Variants in TSHZ3 observed in about 807,000 individuals in gnomAD.
TSHZ3 encodes teashirt zinc finger homeobox 3.
Under a neutral mutation model 64.5 loss-of-function variants are expected in TSHZ3, and 10 were observed. The ratio of observed to expected loss-of-function variants is 0.16; its 90% CI spans 0.10 to 0.26. The LOEUF (loss-of-function observed/expected upper bound fraction) is 0.26. TSHZ3 is among the 10% of genes least tolerant of loss of function. The pLI, the probability that TSHZ3 is intolerant of heterozygous loss-of-function variation, is 1.00. For synonymous variants in TSHZ3, 608 were observed against 593.1 expected (o/e 1.03, Z -0.36); for missense variants, 1,242 against 1,421.7 (o/e 0.87, Z 2.03).
Position 31,275,886 on chromosome 19 carries a change from T to C in TSHZ3, c.*661A>G, listed in dbSNP as rs1976221287. The C allele has an allele frequency of 6.6e-6, 1 of 152,514 alleles. No individual in the cohort carries two copies. Among genetic ancestry groups the C allele is most frequent in the Non-Finnish European group, 1.5e-5 (1 of 68,030 alleles). The allele number at this position is 152,514 out of a possible 1,614,324, so 9.4% of individuals were successfully genotyped here. A position where few individuals can be genotyped will look rare whatever the true frequency, so the allele number is the denominator to read the frequency against. On this transcript the variant is annotated 3_prime_UTR_variant, in exon 2 of 2. Transcript: ENST00000240587. ...GCAGGTGCATAAAACACTGTTGCTATAAATGCAAGAAAAAGGTCATTTAAC... is the reference window on the plus strand; with the variant it reads ...GCAGGTGCATAAAACACTGTTGCTACAAATGCAAGAAAAAGGTCATTTAAC...
In TSHZ3 at chr19:31,191,767, G is replaced by C. The variant is rs543644978; in HGVS notation, n.809+13189C>G. Among the ~76,000 whole-genome samples the C allele has an allele frequency of 2.0e-5, 3 of 152,224 alleles. No individual in the cohort carries two copies. The East Asian group carries it at 5.8e-4, about 29-fold the overall frequency. On this transcript the variant is annotated intron_variant and non_coding_transcript_variant, in intron 5 of 6. Coordinates refer to the TSHZ3 transcript ENST00000651361. Reference sequence around the variant, plus strand: ...CCAGCTATTTGGGAGGCTGAGGTGGGAGGATTGCTTGAGCCCAGGAATCTG... The same window carrying C: ...CCAGCTATTTGGGAGGCTGAGGTGGCAGGATTGCTTGAGCCCAGGAATCTG...
At chr19:31,207,044 G>A (rs763116771) in intron 4 of TSHZ3, among the ~76,000 whole-genome samples, 4 of 152,132 alleles carry the variant, frequency 2.6e-5, no homozygotes, top group African/African-American at 7.2e-5. Flanking sequence ...AAGACTAGGC[G>A]GGAAGAGTGG....
intron 5 of TSHZ3, among the ~76,000 whole-genome samples, chr19:31,182,007 C>T (rs1484586275): frequency 2.0e-5 from 3 of 152,172 alleles, no homozygotes; most frequent in Non-Finnish European, 4.4e-5. Flanking sequence ...CAGGTGAATG[C>T]AGTGTCTGTC....
intron 1 of TSHZ3, among the ~76,000 whole-genome samples, chr19:31,244,328 A>T (rs1341969315): frequency 6.6e-6 from 1 of 152,122 alleles, no homozygotes; most frequent in Non-Finnish European, 1.5e-5. Context: ...TGCTCTGGCC[A>T]TGTAAGACAT....
chr19:31,188,169 T>TTTTA (rs1488035876), intron 5 of TSHZ3, among the ~76,000 whole-genome samples: 1 of 151,626 alleles, frequency 6.6e-6, no homozygotes, highest in Non-Finnish European at 1.5e-5. Context: ...TATTTTAAAT[T>TTTTA]TTTATTTTCT....
At chr19:31,187,214 A>G (rs1350154510) in intron 5 of TSHZ3, among the ~76,000 whole-genome samples, 1 of 152,172 alleles carries the variant, frequency 6.6e-6, no homozygotes, top group Non-Finnish European at 1.5e-5. Flanking sequence ...TCACCATATT[A>G]TAGTTTTTTT....
Position 31,328,435 on chromosome 19 carries a change from G to T in TSHZ3, c.40+20745C>A, listed in dbSNP as rs570845247. Among the ~76,000 whole-genome samples the T allele has an allele frequency of 3.9e-5, 6 of 152,380 alleles. 1 individual carries two copies. In the South Asian group the frequency reaches 1.2e-3, roughly 32 times the overall value. Reference sequence around the variant, plus strand: ...GAAGGCCAGCCCAGGCTGACAAATGGCAGCAGGACTGACTTGCTTCAGTGG... The same window carrying T: ...GAAGGCCAGCCCAGGCTGACAAATGTCAGCAGGACTGACTTGCTTCAGTGG... On this transcript the variant is annotated intron_variant, in intron 1 of 1. Transcript: ENST00000240587.
chr19:31,290,428 G>A (rs555924919), intron 1 of TSHZ3, among the ~76,000 whole-genome samples: 1 of 152,124 alleles, frequency 6.6e-6, no homozygotes, highest in East Asian at 1.9e-4. Context: ...AATGGAGGGG[G>A]CTTAGCTAAA....
At position 31,277,069 on chromosome 19, in the gene TSHZ3, G is replaced by C. The variant is rs1976251248; in HGVS notation, c.2724C>G (p.Ala908=). The C allele has an allele frequency of 6.2e-7, 1 of 1,608,748 alleles. No individual in the cohort carries two copies. The highest frequency in any genetic ancestry group is 8.5e-7 in the Non-Finnish European group (1 of 1,176,690). The part of the protein sequence containing the change: ...WNPQHLLILQ[A]QFAASLRQTS... ...TCTGCCGGAGGCTGGCGGCAAACTG[G>C]GCCTGGAGGATCAGGAGGTGCTGGG... The change falls in exon 2 of 2, where the codon GCC becomes GCG. Residue 908 remains alanine, a synonymous_variant. Transcript: ENST00000240587. This position sits in a 1 kb window ranked among gnomAD's most constrained non-coding sequence, Gnocchi z 4.5.
intron 1 of TSHZ3, among the ~76,000 whole-genome samples, chr19:31,347,661 C>T (rs1276871235): frequency 1.3e-5 from 2 of 152,190 alleles, no homozygotes; most frequent in East Asian, 1.9e-4. Flanking sequence ...ACAATCACTC[C>T]TGGAATTTTC....
intron 5 of TSHZ3, among the ~76,000 whole-genome samples, chr19:31,192,594 T>G (rs11881989): frequency 0.039 from 5,962 of 152,320 alleles, 382 homozygotes; most frequent in African/African-American, 0.14. Flanking sequence ...GTTCTGTTAG[T>G]ATTGTAGTAT....
At chr19:31,231,128 G>A (rs1030756907) in intron 3 of TSHZ3, among the ~76,000 whole-genome samples, 4 of 152,054 alleles carry the variant, frequency 2.6e-5, no homozygotes, top group Non-Finnish European at 4.4e-5. Context: ...CATTTATTAA[G>A]CACTTGGTAT....
chr19:31,204,605 C>T (rs1246339067), intron 5 of TSHZ3: 1 of 152,230 alleles, frequency 6.6e-6, no homozygotes, highest in East Asian at 1.9e-4. Flanking sequence ...TTGTTTTAAT[C>T]TTTAGATGTG....
rs1166588891 is a variant in TSHZ3 at position 31,179,845 on chromosome 19, G to GTGA, written n.810-23429_810-23428insTCA. ...GATGATGGAGGTGGTGGTGGTGGTG[G>GTGA]TGGTAGTAAAGATGGTGGTGATGAT... On this transcript the variant is annotated intron_variant and non_coding_transcript_variant, in intron 5 of 6. Transcript: ENST00000651361. Among the ~76,000 whole-genome samples the GTGA allele has an allele frequency of 2.7e-5, 4 of 150,906 alleles. No homozygotes were observed. In the South Asian group the frequency reaches 6.3e-4, roughly 24 times the overall value.
In TSHZ3 at chr19:31,161,249, A is replaced by G. The variant is rs185222117; in HGVS notation, n.810-4832T>C. On this transcript the variant is annotated intron_variant and non_coding_transcript_variant, in intron 5 of 6. Coordinates refer to the TSHZ3 transcript ENST00000651361. ...TAGATTCTGGATGCCTGATAGCGGT[A>G]TGATTTCCTACAGTGTATTTAACCA... Among the ~76,000 whole-genome samples the G allele has an allele frequency of 2.8e-3, 429 of 152,326 alleles. 5 individuals carry two copies. Among genetic ancestry groups the G allele is most frequent in the Middle Eastern group, 0.01 (3 of 294 alleles).
At chr19:31,254,165 C>T (rs1975878015) in intron 1 of TSHZ3, among the ~76,000 whole-genome samples, 1 of 152,166 alleles carries the variant, frequency 6.6e-6, no homozygotes, top group Non-Finnish European at 1.5e-5. Flanking sequence ...GACCAGCCAG[C>T]CTCCTGAGAC....
chr19:31,217,183 G>T (rs1040788991), intron 4 of TSHZ3, among the ~76,000 whole-genome samples: 1 of 152,198 alleles, frequency 6.6e-6, no homozygotes, highest in Non-Finnish European at 1.5e-5. Context: ...TGGGGTTAAG[G>T]GGCAGAGACA....
At position 31,269,772 on chromosome 19, in the gene TSHZ3, A is replaced by T. The variant is rs371211965; in HGVS notation, n.64-26897T>A. 2.6e-5 allele frequency among the ~76,000 whole-genome samples: 4 copies of T among 152,352 alleles called. No individual in the cohort carries two copies. In the East Asian group the frequency reaches 7.7e-4, roughly 29 times the overall value. On this transcript the variant is annotated intron_variant and non_coding_transcript_variant, in intron 1 of 6. Coordinates refer to the TSHZ3 transcript ENST00000651361. ...CCCAAATTTAAGAAGTCATTTCCAA[A>T]GTCCCATTTATGTATTTTAATTTTT...
intron 1 of TSHZ3, among the ~76,000 whole-genome samples, chr19:31,256,518 A>C (rs1975913366): frequency 6.6e-6 from 1 of 152,190 alleles, no homozygotes; most frequent in Non-Finnish European, 1.5e-5. Flanking sequence ...GGTATTCCCC[A>C]GGGCATATGA....
Sources: allele counts gnomAD v4.1 joint callset (sites outside exome capture counted in the v4.1 genomes callset), GRCh38; gene constraint gnomAD v4.1.1; non-coding constraint Gnocchi (gnomAD v3.1); transcripts MANE v1.5; gene names NCBI Gene and HGNC (gene_info 2026-07-23, HGNC 2026-07-21).